Variants in NRF1 observed in about 807,000 individuals in gnomAD.
NRF1 encodes alpha palindromic-binding protein.
In NRF1, 5 loss-of-function variants were observed where a neutral mutation model predicts 58.5. That is an observed-to-expected ratio of 0.09 (90% CI 0.04 to 0.18). The LOEUF (loss-of-function observed/expected upper bound fraction) is 0.18, where lower values mean the gene tolerates loss of function less well. NRF1 is among the 10% of genes least tolerant of loss of function. NRF1 has a pLI of 1.00. For synonymous variants in NRF1, 224 were observed against 246.7 expected, an observed-to-expected ratio of 0.91 and a Z score of 0.86; for missense variants, 288 against 657.7, an observed-to-expected ratio of 0.44 and a Z score of 6.15.
chr7:129,705,098 T>C (rs1188291921), intron 5 of NRF1, among the ~76,000 whole-genome samples: 1 of 152,230 alleles, frequency 6.6e-6, no homozygotes, highest in Non-Finnish European at 1.5e-5. Flanking sequence ...ACAAAAGTTA[T>C]GAATACTGGA....
chr7:129,677,004 T>A (rs1802195391), intron 3 of NRF1, among the ~76,000 whole-genome samples: 1 of 108,006 alleles, frequency 9.3e-6, no homozygotes, highest in Non-Finnish European at 1.9e-5. Context: ...ACATCTTGGT[T>A]GCATTTTTTT....
intron 9 of NRF1, among the ~76,000 whole-genome samples, chr7:129,725,000 C>T (rs80148668): frequency 0.021 from 3,160 of 152,120 alleles, 44 homozygotes; most frequent in Admixed American, 0.038. Context: ...TGCTTGAGCC[C>T]GGGAATTCAA....
intron 1 of NRF1, among the ~76,000 whole-genome samples, chr7:129,612,801 CCT>C (rs1800568206): frequency 6.6e-6 from 1 of 152,160 alleles, no homozygotes; most frequent in African/African-American, 2.4e-5. Context: ...ATGTCTGCTG[CCT>C]CTCTCACCTG....
chr7:129,638,908 A>G (rs1207784074), intron 1 of NRF1, among the ~76,000 whole-genome samples: 1 of 152,064 alleles, frequency 6.6e-6, no homozygotes, highest in Non-Finnish European at 1.5e-5. Flanking sequence ...TTGAAATATA[A>G]TATGCTTTTT....
chr7:129,708,051 C>T (rs570193472), intron 5 of NRF1, among the ~76,000 whole-genome samples: 89 of 152,216 alleles, frequency 5.8e-4, no homozygotes, highest in African/African-American at 1.6e-3. Flanking sequence ...TCCACACCCC[C>T]GAGTCTGATT....
chr7:129,738,097 A>G (rs1803761631), intron 10 of NRF1, among the ~76,000 whole-genome samples: 1 of 152,260 alleles, frequency 6.6e-6, no homozygotes, highest in African/African-American at 2.4e-5. Flanking sequence ...TGAAGACACT[A>G]GAGTGCTGGT....
chr7:129,709,507 T>G (rs917112915), intron 6 of NRF1, among the ~76,000 whole-genome samples: 6 of 152,134 alleles, frequency 3.9e-5, no homozygotes, highest in African/African-American at 1.2e-4. Context: ...CTTGGGAAAG[T>G]CAAAGAAACT....
At chr7:129,705,357 C>T (rs183134223) in intron 5 of NRF1, among the ~76,000 whole-genome samples, 163 of 152,132 alleles carry the variant, frequency 1.1e-3, no homozygotes, top group African/African-American at 3.8e-3. Flanking sequence ...GTTGAGCGAT[C>T]GTAGCTCACT....
chr7:129,658,312 C>G (rs1032501320), intron 2 of NRF1, among the ~76,000 whole-genome samples: 4 of 152,016 alleles, frequency 2.6e-5, no homozygotes, highest in African/African-American at 7.2e-5. Context: ...CTTATGTTGA[C>G]TAGGCTCAGT....
chr7:129,740,003 ATG>A (rs1462544170), intron 10 of NRF1, among the ~76,000 whole-genome samples: 3 of 152,192 alleles, frequency 2.0e-5, no homozygotes, highest in Non-Finnish European at 4.4e-5. Context: ...TCTCTGCCCC[ATG>A]TGTGTTTCTC....
At chr7:129,696,545 G>A (rs1802703724) in intron 5 of NRF1, among the ~76,000 whole-genome samples, 1 of 152,158 alleles carries the variant, frequency 6.6e-6, no homozygotes, top group Non-Finnish European at 1.5e-5. Flanking sequence ...CATTTTACTG[G>A]ACATTAATTC....
chr7:129,621,760 T>C (rs1419992647), intron 1 of NRF1, among the ~76,000 whole-genome samples: 1 of 151,108 alleles, frequency 6.6e-6, no homozygotes. Context: ...CTCTATTATT[T>C]TAAAAGTTTT....
intron 4 of NRF1, among the ~76,000 whole-genome samples, chr7:129,686,544 A>T (rs1584640366): frequency 6.6e-6 from 1 of 152,254 alleles, no homozygotes; most frequent in East Asian, 1.9e-4. Flanking sequence ...ACTTAAGTTT[A>T]TTAAGCCTCA....
intron 1 of NRF1, among the ~76,000 whole-genome samples, chr7:129,654,418 C>T (rs1801605881): frequency 6.6e-6 from 1 of 152,136 alleles, no homozygotes; most frequent in Admixed American, 6.6e-5. Context: ...CCTGTCTTCT[C>T]ATTCTTTTGG....
chr7:129,629,347 C>T (rs1275454226), intron 1 of NRF1, among the ~76,000 whole-genome samples: 1 of 148,408 alleles, frequency 6.7e-6, no homozygotes, highest in Non-Finnish European at 1.5e-5. Flanking sequence ...GGCGCAGTCT[C>T]AGCTCACTGC....
chr7:129,723,829 T>G (rs1451719257), intron 9 of NRF1, among the ~76,000 whole-genome samples: 2 of 152,234 alleles, frequency 1.3e-5, no homozygotes, highest in Non-Finnish European at 2.9e-5. Flanking sequence ...GTGTTAAGTT[T>G]TGAAATCAGA....
At chr7:129,616,850 G>A (rs1019775305) in intron 1 of NRF1, among the ~76,000 whole-genome samples, 1 of 152,160 alleles carries the variant, frequency 6.6e-6, no homozygotes, top group Admixed American at 6.5e-5. Context: ...GTGTGTTGGA[G>A]GGAGTGTTGG....
chr7:129,683,327 G>C (rs1203698591), intron 4 of NRF1, among the ~76,000 whole-genome samples: 2 of 149,614 alleles, frequency 1.3e-5, no homozygotes, highest in Admixed American at 6.7e-5. Context: ...GTGTGAGAGA[G>C]AGAGAGAGAG....
chr7:129,673,694 G>A (rs1378788258), intron 3 of NRF1, among the ~76,000 whole-genome samples: 1 of 131,478 alleles, frequency 7.6e-6, no homozygotes, highest in African/African-American at 2.9e-5. Context: ...TCCCGCCTGG[G>A]CGACAGAGCG....
Sources: gnomAD v4.1 joint callset for allele counts (sites outside exome capture counted in the v4.1 genomes callset) on GRCh38, gnomAD v4.1.1 for gene constraint, MANE v1.5 for transcripts, NCBI Gene and HGNC (gene_info 2026-07-23, HGNC 2026-07-21) for gene names.